YIPF7: variants seen among roughly 807,000 people sequenced by gnomAD.
The protein encoded by YIPF7 is Yip1 domain family member 7.
Under a neutral mutation model 27.2 loss-of-function variants are expected in YIPF7, and 35 were observed. The ratio of observed to expected loss-of-function variants is 1.29; its 90% CI spans 0.98 to 1.70. YIPF7 has a LOEUF of 1.70. Ranked by LOEUF, YIPF7 falls within the 40% of genes most tolerant of loss-of-function variation. The probability of loss-of-function intolerance (pLI) is 0.00; values close to 1 mark genes in which losing one functional copy is unlikely to be tolerated. For synonymous variants in YIPF7, 137 were observed against 110.4 expected (o/e 1.24, Z -1.51); for missense variants, 358 against 303.7 (o/e 1.18, Z -1.33).
At chr4:44,649,599 C>T (rs952233486) in intron 2 of YIPF7, among the ~76,000 whole-genome samples, 7 of 150,046 alleles carry the variant, frequency 4.7e-5, no homozygotes, top group East Asian at 4.0e-4. Context: ...GGCCAAATCT[C>T]GTCTCTACTA....
At chr4:44,629,807 AT>A (rs1712820072) in intron 3 of YIPF7, among the ~76,000 whole-genome samples, 1 of 152,208 alleles carries the variant, frequency 6.6e-6, no homozygotes, top group Non-Finnish European at 1.5e-5. Flanking sequence ...TTAGAGAAAC[AT>A]TTCCATCAAG....
At chr4:44,649,954 A>C in intron 2 of YIPF7, 31 bp downstream of exon 2, 1 of 1,230,442 alleles carries the variant, frequency 8.1e-7, no homozygotes, top group Non-Finnish European at 1.1e-6. Flanking sequence ...ACTCTGTCAA[A>C]AAAAAAAAAA....
Position 44,629,397 on chromosome 4 carries a change from C to A in YIPF7, c.426+6G>T. 6.3e-7 allele frequency: 1 copy of A among 1,584,598 alleles called. No individual in the cohort carries two copies. Among genetic ancestry groups the A allele is most frequent in the Non-Finnish European group, 8.6e-7 (1 of 1,166,676 alleles). On this transcript the variant is annotated splice_donor_region_variant and intron_variant, in intron 4 of 5. Transcript: ENST00000415895. ...TTAAAATCTGGTGCTTCCTGTGACA[C>A]ATTACCAGAAGCAAGGTGGCTCCCA...
At chr4:44,635,009 T>A (rs749508322) in intron 3 of YIPF7, among the ~76,000 whole-genome samples, 1 of 152,218 alleles carries the variant, frequency 6.6e-6, no homozygotes, top group African/African-American at 2.4e-5. Flanking sequence ...AAATCTTTCA[T>A]GTTTTTATAT....
In YIPF7 at chr4:44,636,065, G is replaced by C; in HGVS notation, c.137C>G (p.Pro46Arg). The change falls in exon 3 of 6, where the codon CCT (proline) becomes CGT (arginine). Residue 46 changes from proline to arginine, a missense_variant. Physicochemically the swap from Pro to Arg is moderately radical, Grantham distance 103. Coordinates refer to ENST00000415895, the MANE Select transcript of YIPF7 (RefSeq NM_182592.3). ...TGATGGAACAAAGGAGGCAGGCTGA[G>C]GCTGCTCACCAGCTTGTTGTCTAGA... ...GSRKQQAGEQ[P>R]QPASFVPSEM... is the part of the protein sequence containing the mutation. The C allele has an allele frequency of 6.2e-7, 1 of 1,611,668 alleles. No individual in the cohort carries two copies. The highest frequency in any genetic ancestry group is 8.5e-7 in the Non-Finnish European group (1 of 1,178,456).
intron 2 of YIPF7, among the ~76,000 whole-genome samples, chr4:44,647,353 C>T (rs1424990866): frequency 6.6e-6 from 1 of 152,108 alleles, no homozygotes; most frequent in East Asian, 1.9e-4. Flanking sequence ...TCTTATTGTG[C>T]ATTTTAGTTT....
upstream of YIPF7, among the ~76,000 whole-genome samples, chr4:44,656,409 T>C (rs948265865): frequency 8.5e-5 from 13 of 152,080 alleles, no homozygotes; most frequent in Non-Finnish European, 1.3e-4. Flanking sequence ...TATTTCATCT[T>C]TATCTCATCC....
intron 2 of YIPF7, 130 bp from the exon 3 acceptor site, chr4:44,636,215 T>TA: frequency 9.9e-7 from 1 of 1,010,466 alleles, no homozygotes; most frequent in East Asian, 2.7e-5. Flanking sequence ...AGAAACAACT[T>TA]ACTTAAAATT....
chr4:44,648,214 T>C (rs989851452), intron 2 of YIPF7, among the ~76,000 whole-genome samples: 1 of 152,152 alleles, frequency 6.6e-6, no homozygotes, highest in African/African-American at 2.4e-5. Flanking sequence ...ATCTGAAATG[T>C]TTGGGACCAA....
chr4:44,631,778 C>G (rs975224280), intron 3 of YIPF7, among the ~76,000 whole-genome samples: 1 of 152,048 alleles, frequency 6.6e-6, no homozygotes, highest in Admixed American at 6.6e-5. Context: ...GAGAAGAAGA[C>G]TTTAAAAATT....
upstream of YIPF7, among the ~76,000 whole-genome samples, chr4:44,655,330 T>C (rs1028267581): frequency 6.6e-6 from 1 of 152,012 alleles, no homozygotes; most frequent in Admixed American, 6.6e-5. Context: ...GAGAAGCAAA[T>C]TGATTTGTGC....
intron 1 of YIPF7, among the ~76,000 whole-genome samples, chr4:44,650,819 TA>T (rs1713709313): frequency 6.6e-6 from 1 of 151,996 alleles, no homozygotes; most frequent in African/African-American, 2.4e-5. Context: ...GAATTAGACC[TA>T]ATGGCCAGGA....
At chr4:44,650,595 C>G (rs1162837115) in intron 1 of YIPF7, among the ~76,000 whole-genome samples, 1 of 151,944 alleles carries the variant, frequency 6.6e-6, no homozygotes, top group Non-Finnish European at 1.5e-5. Flanking sequence ...CAAAGCAAAA[C>G]CAAAACCCTA....
intron 4 of YIPF7, among the ~76,000 whole-genome samples, chr4:44,625,112 A>G (rs753010926): frequency 1.1e-4 from 17 of 152,250 alleles, no homozygotes; most frequent in Non-Finnish European, 2.2e-4. Flanking sequence ...TATTTATTAA[A>G]CAAATAAGTG....
At chr4:44,655,572 TA>T (rs1713864808), upstream of YIPF7, among the ~76,000 whole-genome samples, 1 of 152,026 alleles carries the variant, frequency 6.6e-6, no homozygotes, top group Non-Finnish European at 1.5e-5. Context: ...AATATGTCAT[TA>T]TTTTCTACCT....
rs760124170 is a variant in YIPF7 at position 44,635,968 on chromosome 4, T to C, written c.234A>G (p.Gln78=). ...QPASNSDYYS[Q]SPYIDSFDEE... ...CATCAAAACTGTCAATGTAAGGAGA[T>C]TGTGAATAATAATCTGAGTTGGATG... The change falls in exon 3 of 6, where the codon CAA becomes CAG. Residue 78 remains glutamine (Q), a synonymous_variant. Coordinates refer to ENST00000415895, the MANE Select transcript of YIPF7 (RefSeq NM_182592.3). The C allele has an allele frequency of 3.1e-6, 5 of 1,613,882 alleles. No homozygotes were observed. The East Asian group carries it at 8.9e-5, about 29-fold the overall frequency.
intron 1 of YIPF7, among the ~76,000 whole-genome samples, chr4:44,650,928 A>G (rs1713715413): frequency 6.6e-6 from 1 of 152,178 alleles, no homozygotes; most frequent in Non-Finnish European, 1.5e-5. Context: ...AAAGTAGAGA[A>G]TAGAGAAGCG....
intron 1 of YIPF7, among the ~76,000 whole-genome samples, chr4:44,662,012 C>T (rs1369608666): frequency 6.6e-6 from 1 of 152,180 alleles, no homozygotes; most frequent in Non-Finnish European, 1.5e-5. Flanking sequence ...TCTGATTTAT[C>T]TTCCTTCTGA....
In YIPF7 at chr4:44,635,926, T is replaced by C. The variant is rs999250427; in HGVS notation, c.276A>G (p.Leu92=). The change falls in exon 3 of 6, where the codon CTA becomes CTG. Residue 92 remains leucine (L), a synonymous_variant. Coordinates refer to ENST00000415895, the MANE Select transcript of YIPF7 (RefSeq NM_182592.3). ...IDSFDEEPPL[L]EELGIHFDHI... The stretch of plus-strand genomic sequence containing the variant: ...AATAACACTTCCTTAACTTATCTTC[T>C]AGCAAAGGAGGCTCTTCATCAAAAC... 26 of 1,613,564 alleles carry C rather than the reference T, an allele frequency of 1.6e-5. No individual in the cohort carries two copies. Among genetic ancestry groups the C allele is most frequent in the Non-Finnish European group, 2.1e-5 (25 of 1,179,714 alleles).
Sources: gnomAD v4.1 joint callset for allele counts (sites outside exome capture counted in the v4.1 genomes callset) on GRCh38, gnomAD v4.1.1 for gene constraint, MANE v1.5 for transcripts, NCBI Gene and HGNC (gene_info 2026-07-23, HGNC 2026-07-21) for gene names.